Variants in KSR2 observed in about 807,000 individuals in gnomAD.
KSR2 encodes the protein kinase suppressor of ras 2.
In KSR2, 25 loss-of-function variants were observed where a neutral mutation model predicts 107.8. The ratio of observed to expected loss-of-function variants is 0.23; its 90% CI spans 0.17 to 0.32. KSR2 has a LOEUF of 0.32. Among genes scored for constraint, KSR2 ranks in the 10% least tolerant of loss-of-function variants. The probability of loss-of-function intolerance (pLI) is 1.00; values close to 1 mark genes in which losing one functional copy is unlikely to be tolerated. For synonymous variants in KSR2, 480 were observed against 507.0 expected, an observed-to-expected ratio of 0.95 and a Z score of 0.71; for missense variants, 887 against 1,268.9, an observed-to-expected ratio of 0.70 and a Z score of 4.57.
At chr12:117,717,468 G>A (rs1325708994) in intron 4 of KSR2, among the ~76,000 whole-genome samples, 1 of 152,000 alleles carries the variant, frequency 6.6e-6, no homozygotes, top group Non-Finnish European at 1.5e-5. Context: ...GCAGTGAGCC[G>A]AGATTACACC....
At chr12:117,784,084 C>A (rs111277802) in intron 3 of KSR2, among the ~76,000 whole-genome samples, 1,856 of 152,130 alleles carry the variant, frequency 0.012, 45 homozygotes, top group African/African-American at 0.042. Flanking sequence ...GGTACATGTG[C>A]AGGTTTGTTA....
At chr12:117,480,798 G>A (rs1255921969) in intron 16 of KSR2, among the ~76,000 whole-genome samples, 1 of 152,120 alleles carries the variant, frequency 6.6e-6, no homozygotes, top group Admixed American at 6.5e-5. Flanking sequence ...TAGGTGACCT[G>A]TCCAAATGGA....
intron 5 of KSR2, among the ~76,000 whole-genome samples, chr12:117,598,715 A>G (rs532543199): frequency 2.0e-5 from 3 of 152,196 alleles, no homozygotes; most frequent in South Asian, 4.1e-4. Flanking sequence ...CCTGATAATT[A>G]GTGATGTTGA....
At chr12:117,557,152 G>A (rs1877757622) in intron 8 of KSR2, among the ~76,000 whole-genome samples, 1 of 152,166 alleles carries the variant, frequency 6.6e-6, no homozygotes, top group Admixed American at 6.5e-5. Context: ...GCGACAGAGA[G>A]AGACTCCATC....
At chr12:117,812,413 A>G (rs1891218380) in intron 3 of KSR2, among the ~76,000 whole-genome samples, 1 of 152,230 alleles carries the variant, frequency 6.6e-6, no homozygotes, top group African/African-American at 2.4e-5. Context: ...GAAAAATGTT[A>G]AACTATTTGT....
At chr12:117,888,880 A>C (rs1217031347) in intron 1 of KSR2, among the ~76,000 whole-genome samples, 1 of 152,228 alleles carries the variant, frequency 6.6e-6, no homozygotes, top group Non-Finnish European at 1.5e-5. Flanking sequence ...TGGGGTGATG[A>C]AAAAGTTTGA....
intron 7 of KSR2, among the ~76,000 whole-genome samples, chr12:117,574,567 T>C (rs1303941675): frequency 6.6e-6 from 1 of 152,186 alleles, no homozygotes; most frequent in African/African-American, 2.4e-5. Context: ...ACTTATTCAC[T>C]ACCACAAGGA....
intron 5 of KSR2, among the ~76,000 whole-genome samples, chr12:117,627,529 C>T (rs1882586708): frequency 6.6e-6 from 1 of 152,158 alleles, no homozygotes; most frequent in African/African-American, 2.4e-5. Flanking sequence ...AACATTGGCC[C>T]CCACTCTCTT....
intron 5 of KSR2, among the ~76,000 whole-genome samples, chr12:117,639,377 T>C (rs1883253058): frequency 6.6e-6 from 1 of 151,422 alleles, no homozygotes; most frequent in Non-Finnish European, 1.5e-5. Flanking sequence ...TTGCCCAGGC[T>C]GGAGTGCAGT....
chr12:117,555,253 G>A lies in KSR2; in HGVS notation c.1434C>T (p.Asp478=). The part of the protein sequence containing the change: ...RLVRTESVPC[D]INNPLRKPPR... ...GTGGCTTCCGTAGAGGGTTGTTGAT[G>A]TCACACGGAACGGACTCTGTCCGGA... Residue 478 remains aspartate (D), a synonymous_variant, in exon 9 of 20, where the codon GAC becomes GAT. Coordinates refer to ENST00000339824, the MANE Select transcript of KSR2 (RefSeq NM_173598.6). The A allele has an allele frequency of 6.2e-7, 1 of 1,613,946 alleles. No individual in the cohort carries two copies. Among genetic ancestry groups the A allele is most frequent in the Non-Finnish European group, 8.5e-7 (1 of 1,179,826 alleles).
intron 5 of KSR2, among the ~76,000 whole-genome samples, chr12:117,662,406 G>A (rs765327356): frequency 3.3e-5 from 5 of 152,102 alleles, no homozygotes; most frequent in Non-Finnish European, 7.4e-5. Context: ...TTTCTTGGGA[G>A]TAGGCAGTTC....
At position 117,584,973 on chromosome 12, in the gene KSR2, G is replaced by A. The variant is rs181747671; in HGVS notation, c.1172-2614C>T. On this transcript the variant is annotated intron_variant, in intron 5 of 19. Coordinates refer to ENST00000339824, the MANE Select transcript of KSR2 (RefSeq NM_173598.6). The stretch of plus-strand genomic sequence containing the variant: ...GTCTTCCAGGAGCCCCCGCACCCCC[G>A]TTCTCAACCAGAGGAGTGCTCTTCC... Among the ~76,000 whole-genome samples, 325 of 152,284 alleles carry A rather than the reference G, an allele frequency of 2.1e-3. 2 individuals carry two copies. Among genetic ancestry groups the A allele is most frequent in the African/African-American group, 7.4e-3 (309 of 41,556 alleles).
intron 1 of KSR2, among the ~76,000 whole-genome samples, chr12:117,939,716 A>C (rs113903958): frequency 0.03 from 4,590 of 150,768 alleles, 225 homozygotes; most frequent in African/African-American, 0.11. Flanking sequence ...CATCTCAAAC[A>C]AAAAACAAAA....
chr12:117,565,203 A>G (rs1878395068), intron 7 of KSR2, among the ~76,000 whole-genome samples: 1 of 152,192 alleles, frequency 6.6e-6, no homozygotes, highest in Non-Finnish European at 1.5e-5. Context: ...CTGTCACGTC[A>G]ATTTCTCACT....
intron 1 of KSR2, among the ~76,000 whole-genome samples, chr12:117,901,300 CT>C (rs1178701522): frequency 2.0e-5 from 3 of 151,026 alleles, no homozygotes; most frequent in Non-Finnish European, 4.4e-5. Flanking sequence ...ACTTTTTTTT[CT>C]TTTTTTCTTT....
At chr12:117,959,742 G>A (rs2137601474) in intron 1 of KSR2, among the ~76,000 whole-genome samples, 1 of 152,140 alleles carries the variant, frequency 6.6e-6, no homozygotes, top group South Asian at 2.1e-4. Context: ...ACCAGCCTGA[G>A]CAACATAGGG....
intron 4 of KSR2, among the ~76,000 whole-genome samples, chr12:117,725,377 A>T (rs1887384295): frequency 6.6e-6 from 1 of 152,156 alleles, no homozygotes. Flanking sequence ...CTTGAAGTAG[A>T]CCCACATGCA....
intron 5 of KSR2, among the ~76,000 whole-genome samples, chr12:117,651,368 G>C (rs894499953): frequency 1.3e-5 from 2 of 152,196 alleles, no homozygotes; most frequent in African/African-American, 2.4e-5. Context: ...GTGAGGTTGA[G>C]AGTGTGACCC....
intron 3 of KSR2, among the ~76,000 whole-genome samples, chr12:117,821,771 A>G (rs904444203): frequency 2.0e-5 from 3 of 152,212 alleles, no homozygotes; most frequent in South Asian, 2.1e-4. Flanking sequence ...GGGAGAGACA[A>G]TAGGGACATA....
Sources: gnomAD v4.1 joint callset for allele counts (sites outside exome capture counted in the v4.1 genomes callset) on GRCh38, gnomAD v4.1.1 for gene constraint, MANE v1.5 for transcripts, NCBI Gene and HGNC (gene_info 2026-07-23, HGNC 2026-07-21) for gene names.